The following GLCCI1 variants were observed in gnomAD, a reference collection of about 807,000 sequenced individuals.
The protein encoded by GLCCI1 is glucocorticoid induced 1.
In GLCCI1, 24 loss-of-function variants were observed where a neutral mutation model predicts 52.2. The ratio of observed to expected loss-of-function variants is 0.46; its 90% CI spans 0.33 to 0.65. GLCCI1 has a LOEUF of 0.65. Among genes scored for constraint, GLCCI1 ranks in the 30% least tolerant of loss-of-function variants. GLCCI1 has a pLI of 0.02. For missense variants in GLCCI1, 704 were observed against 701.5 expected (o/e 1.00, Z -0.04); for synonymous variants, 310 against 276.5 (o/e 1.12, Z -1.20).
At chr7:8,011,404 CT>C (rs1453594327) in intron 2 of GLCCI1, among the ~76,000 whole-genome samples, 1 of 151,942 alleles carries the variant, frequency 6.6e-6, no homozygotes. Flanking sequence ...CAGTATTTTC[CT>C]TTTTTGTCTG....
intron 4 of GLCCI1, 108 bp from the exon 5 acceptor site, chr7:8,059,988 A>G (rs1182347518): frequency 2.1e-6 from 2 of 948,066 alleles, no homozygotes; most frequent in Non-Finnish European, 3.1e-6. Context: ...TTGAAAGGTC[A>G]GAAATAACTC....
chr7:8,008,213 G>T lies in GLCCI1; in HGVS notation c.609+4154G>T, dbSNP rs543369072. On this transcript the variant is annotated intron_variant, in intron 2 of 7. Transcript: ENST00000223145. ...ACTGAAATTTTGTGTCCTTTGACCA[G>T]CATCTCCCAAGGACTCCTAGCCTCT... Among the ~76,000 whole-genome samples the T allele has an allele frequency of 2.0e-5, 3 of 151,774 alleles. No homozygotes were observed. In the South Asian group the frequency reaches 6.2e-4, roughly 32 times the overall value.
In GLCCI1 at chr7:7,988,028, G is replaced by A. The variant is rs1359007860; in HGVS notation, c.458-15880G>A. Among the ~76,000 whole-genome samples, 6 of 152,112 alleles carry A rather than the reference G, an allele frequency of 3.9e-5. No individual in the cohort carries two copies. In the East Asian group the frequency reaches 9.6e-4, roughly 24 times the overall value. On this transcript the variant is annotated intron_variant, in intron 1 of 7. Coordinates refer to ENST00000223145, the MANE Select transcript of GLCCI1 (RefSeq NM_138426.4). The stretch of plus-strand genomic sequence containing the variant: ...TGGGAGTCTTCTTGGAGATGAGATG[G>A]GAGTGACGGACATAATGCTTTTTGG...
At chr7:8,019,800 TATA>T (rs919377274) in intron 2 of GLCCI1, among the ~76,000 whole-genome samples, 2 of 152,066 alleles carry the variant, frequency 1.3e-5, no homozygotes, top group Non-Finnish European at 2.9e-5. Flanking sequence ...ACAGTAAAAA[TATA>T]ATACATAAAG....
At chr7:8,084,258 T>C (rs1783053566) in intron 6 of GLCCI1, among the ~76,000 whole-genome samples, 1 of 152,220 alleles carries the variant, frequency 6.6e-6, no homozygotes, top group African/African-American at 2.4e-5. Flanking sequence ...TAGGTAGAGA[T>C]GTTTGGAGAT....
intron 2 of GLCCI1, among the ~76,000 whole-genome samples, chr7:8,019,160 T>C (rs952564130): frequency 6.6e-6 from 1 of 152,212 alleles, no homozygotes; most frequent in Non-Finnish European, 1.5e-5. Context: ...GATCAGTGTA[T>C]AGAACACTGC....
rs559864727 is a variant in GLCCI1, at chr7:7,969,269, C to T, written c.-82C>T. The T allele has an allele frequency of 8.7e-7, 1 of 1,142,888 alleles. No homozygotes were observed. The highest frequency in any genetic ancestry group is 1.1e-6 in the Non-Finnish European group (1 of 913,736). 70.8% of individuals were successfully genotyped at this position (1,142,888 alleles called of 1,614,324 possible). A position where few individuals can be genotyped will look rare whatever the true frequency, so the allele number is the denominator to read the frequency against. ...CCCCTTACACACTCGCACGCACTAT[C>T]GCGCCGGCTCCCACACGCTCGCGCG... On this transcript the variant is annotated 5_prime_UTR_variant, in exon 1 of 8. Coordinates refer to ENST00000223145, the MANE Select transcript of GLCCI1 (RefSeq NM_138426.4). This position sits in a 1 kb window ranked among gnomAD's most constrained non-coding sequence, Gnocchi z 4.9.
intron 6 of GLCCI1, among the ~76,000 whole-genome samples, chr7:8,084,437 T>A (rs1407845366): frequency 2.0e-5 from 3 of 152,222 alleles, no homozygotes; most frequent in Non-Finnish European, 4.4e-5. Flanking sequence ...TCATGATATT[T>A]AGCAAAAATA....
intron 5 of GLCCI1, among the ~76,000 whole-genome samples, chr7:8,063,205 T>C (rs1460156797): frequency 6.6e-6 from 1 of 152,168 alleles, no homozygotes; most frequent in Non-Finnish European, 1.5e-5. Context: ...TGGCGTGATC[T>C]TGGCTTACTG....
intron 2 of GLCCI1, among the ~76,000 whole-genome samples, chr7:8,011,675 T>TA (rs1219361919): frequency 6.6e-6 from 1 of 152,226 alleles, no homozygotes; most frequent in Non-Finnish European, 1.5e-5. Context: ...GTAGAACTGC[T>TA]AGATCATAGG....
At chr7:7,995,557 A>C (rs1323774169) in intron 1 of GLCCI1, among the ~76,000 whole-genome samples, 1 of 152,196 alleles carries the variant, frequency 6.6e-6, no homozygotes, top group Non-Finnish European at 1.5e-5. Context: ...TACACCATGG[A>C]ATACTATGCA....
intron 6 of GLCCI1, among the ~76,000 whole-genome samples, chr7:8,074,124 C>T (rs921561166): frequency 6.6e-6 from 1 of 152,100 alleles, no homozygotes; most frequent in Non-Finnish European, 1.5e-5. Flanking sequence ...TATTGTATGT[C>T]AGATATTGTA....
chr7:8,042,062 G>C (rs1782012617), intron 3 of GLCCI1, among the ~76,000 whole-genome samples: 2 of 152,208 alleles, frequency 1.3e-5, no homozygotes, highest in South Asian at 4.2e-4. Context: ...GCCCACTATG[G>C]GGACATACTG....
intron 3 of GLCCI1, among the ~76,000 whole-genome samples, chr7:8,030,208 T>C (rs1263263874): frequency 6.6e-6 from 1 of 152,040 alleles, no homozygotes; most frequent in East Asian, 1.9e-4. Context: ...CGTAGACCAA[T>C]GGAACAGAAC....
chr7:8,055,453 G>A lies in GLCCI1; in HGVS notation c.717G>A (p.Gln239=). Residue 239 remains glutamine (Q), a synonymous_variant, in exon 4 of 8, where the codon CAG becomes CAA. Coordinates refer to ENST00000223145, the MANE Select transcript of GLCCI1 (RefSeq NM_138426.4). ...QLKEQIAKLR[Q]QLQRSKQSSR... is the part of the protein sequence containing the mutation. ...CAAAGCAGATCGCCAAACTGAGGCA[G>A]CAACTACAACGCAGTAAACAGAGTA... 6.2e-7 allele frequency: 1 copy of A among 1,613,140 alleles called. No individual in the cohort carries two copies. The highest frequency in any genetic ancestry group is 8.5e-7 in the Non-Finnish European group (1 of 1,179,302).
intron 1 of GLCCI1, among the ~76,000 whole-genome samples, chr7:7,998,174 TTG>T (rs1466067795): frequency 3.1e-5 from 2 of 63,614 alleles, no homozygotes; most frequent in Admixed American, 1.7e-4. Context: ...GTAGTTTTTT[TTG>T]TTTTTTTTTT....
chr7:8,030,084 CA>C (rs1435982653), intron 3 of GLCCI1, among the ~76,000 whole-genome samples: 1 of 152,024 alleles, frequency 6.6e-6, no homozygotes, highest in Non-Finnish European at 1.5e-5. Context: ...CCAGAATAGC[CA>C]AAGCTGTCCT....
At chr7:8,031,642 A>C (rs151287142) in intron 3 of GLCCI1, among the ~76,000 whole-genome samples, 3 of 152,154 alleles carry the variant, frequency 2.0e-5, no homozygotes, top group Admixed American at 6.5e-5. Context: ...GCCTGTGCCA[A>C]AATATCTCAT....
intron 1 of GLCCI1, among the ~76,000 whole-genome samples, chr7:7,992,085 TTC>T (rs1004490824): frequency 1.4e-5 from 2 of 140,650 alleles, no homozygotes; most frequent in African/African-American, 5.5e-5. Context: ...CTTTCTTTCT[TTC>T]TTTCTTTCTT....
Sources: allele counts gnomAD v4.1 joint callset (sites outside exome capture counted in the v4.1 genomes callset), GRCh38; gene constraint gnomAD v4.1.1; non-coding constraint Gnocchi (gnomAD v3.1); transcripts MANE v1.5; gene names NCBI Gene and HGNC (gene_info 2026-07-23, HGNC 2026-07-21).